Variants in SPRY3 observed in about 807,000 individuals in gnomAD.
The protein encoded by SPRY3 is sprouty RTK signaling antagonist 3.
SPRY3 carries 15 observed loss-of-function variants against 20.2 expected under a neutral mutation model. That is an observed-to-expected ratio of 0.74 (90% confidence interval 0.50 to 1.14). SPRY3 has a LOEUF of 1.14. Ranked by LOEUF, SPRY3 falls within the 50% of genes most tolerant of loss-of-function variation. The probability of loss-of-function intolerance (pLI) is 0.00; values close to 1 mark genes in which losing one functional copy is unlikely to be tolerated. For missense variants in SPRY3, 364 were observed against 363.9 expected (o/e 1.00, Z 0.00); for synonymous variants, 143 against 136.5 (o/e 1.05, Z -0.33).
intron 2 of SPRY3, among the ~76,000 whole-genome samples, chrX:155,726,631 A>G (rs2091099534): frequency 6.6e-6 from 1 of 152,154 alleles, no homozygotes; most frequent in South Asian, 2.1e-4. Context: ...ATGAGAGACT[A>G]GGATTGCAAC....
intron 1 of SPRY3, among the ~76,000 whole-genome samples, chrX:155,634,811 G>A (rs782019544): frequency 9.3e-6 from 1 of 107,904 alleles, no homozygotes; most frequent in Non-Finnish European, 1.9e-5. Flanking sequence ...TCTTGAGGTC[G>A]CAAGATAACT....
chrX:155,659,621 A>G (rs2068003974), intron 2 of SPRY3, among the ~76,000 whole-genome samples: 1 of 111,194 alleles, frequency 9.0e-6, no homozygotes, highest in African/African-American at 3.3e-5. Flanking sequence ...GATTGGTGCC[A>G]TTCCTTCTTT....
intron 2 of SPRY3, among the ~76,000 whole-genome samples, chrX:155,748,680 G>T (rs1264436135): frequency 6.6e-6 from 1 of 151,694 alleles, no homozygotes; most frequent in Non-Finnish European, 1.5e-5. Flanking sequence ...CAAAGAACAG[G>T]GCAATACCTC....
intron 2 of SPRY3, among the ~76,000 whole-genome samples, chrX:155,720,476 A>G (rs2091050061): frequency 6.6e-6 from 1 of 152,096 alleles, no homozygotes; most frequent in South Asian, 2.1e-4. Flanking sequence ...GGTAGTAGTT[A>G]TAGCAGGCCT....
chrX:155,641,693 G>A (rs2067941619), intron 1 of SPRY3, among the ~76,000 whole-genome samples: 1 of 115,098 alleles, frequency 8.7e-6, no homozygotes, highest in African/African-American at 3.1e-5. Context: ...TGTAACTTAA[G>A]GTTTATCTAC....
intron 2 of SPRY3, among the ~76,000 whole-genome samples, chrX:155,748,735 A>G (rs1177579573): frequency 2.0e-5 from 3 of 151,858 alleles, no homozygotes; most frequent in Admixed American, 6.6e-5. Context: ...CAAGCTAACC[A>G]TCCACCATGA....
chrX:155,731,590 G>A (rs1298936946), intron 2 of SPRY3, among the ~76,000 whole-genome samples: 3 of 152,004 alleles, frequency 2.0e-5, no homozygotes, highest in Non-Finnish European at 4.4e-5. Context: ...CTAGCAAATT[G>A]GACGGGGCAA....
intron 2 of SPRY3, among the ~76,000 whole-genome samples, chrX:155,754,174 C>T (rs1400375266): frequency 1.3e-5 from 2 of 151,962 alleles, no homozygotes; most frequent in Admixed American, 6.6e-5. Context: ...AATCCAAGGT[C>T]ACAAATATTT....
chrX:155,696,232 C>CATAT (rs201173655), intron 2 of SPRY3, among the ~76,000 whole-genome samples: 1 of 107,429 alleles, frequency 9.3e-6, no homozygotes, highest in African/African-American at 3.4e-5. Flanking sequence ...CACACACACA[C>CATAT]ACATATATAT....
intron 2 of SPRY3, among the ~76,000 whole-genome samples, chrX:155,759,735 GAAGT>G (rs1250947704): frequency 6.6e-6 from 1 of 152,072 alleles, no homozygotes; most frequent in African/African-American, 2.4e-5. Context: ...GGCAAAAATA[GAAGT>G]ATGTTTACCA....
At chrX:155,637,711 T>C (rs1161259384) in intron 1 of SPRY3, among the ~76,000 whole-genome samples, 1 of 111,876 alleles carries the variant, frequency 8.9e-6, no homozygotes, top group African/African-American at 3.3e-5. Context: ...CTCTTCCCTT[T>C]GTTCCCCCCT....
At chrX:155,761,289 C>T (rs1037795737) in intron 2 of SPRY3, among the ~76,000 whole-genome samples, 2 of 152,154 alleles carry the variant, frequency 1.3e-5, no homozygotes, top group Admixed American at 1.3e-4. Context: ...TATCCTGATT[C>T]CTTTCTAACA....
chrX:155,738,264 G>T (rs928993549), intron 2 of SPRY3, among the ~76,000 whole-genome samples: 1 of 151,476 alleles, frequency 6.6e-6, no homozygotes, highest in Non-Finnish European at 1.5e-5. Context: ...GTGCAGACTG[G>T]GAAAAAAAAA....
intron 2 of SPRY3, among the ~76,000 whole-genome samples, chrX:155,743,132 G>C (rs1332807564): frequency 6.6e-6 from 1 of 152,084 alleles, no homozygotes; most frequent in Non-Finnish European, 1.5e-5. Flanking sequence ...TGGTAAGGGG[G>C]ATATCACCAC....
Position 155,773,761 on chromosome X carries a change from C to T in SPRY3, c.-106-5C>T. On this transcript the variant is annotated splice_polypyrimidine_tract_variant and splice_region_variant and intron_variant, in intron 3 of 3. Coordinates refer to ENST00000675360, the Ensembl canonical transcript of SPRY3. ...CATTTACTGTTTTTATGCCTTCTCT[C>T]CTAGGATTTTCTCATGTGCCCTGAA... The T allele has an allele frequency of 7.7e-7, 1 of 1,298,982 alleles. No homozygotes were observed. The highest frequency in any genetic ancestry group is 1.1e-6 in the Non-Finnish European group (1 of 933,840). The allele number at this position is 1,298,982 out of a possible 1,614,324, so 80.5% of individuals were successfully genotyped here. A position where few individuals can be genotyped will look rare whatever the true frequency, so the allele number is the denominator to read the frequency against.
At chrX:155,745,587 G>T (rs2091221855) in intron 2 of SPRY3, among the ~76,000 whole-genome samples, 1 of 152,006 alleles carries the variant, frequency 6.6e-6, no homozygotes. Flanking sequence ...CATGCAGAAA[G>T]ACTACTGATT....
intron 2 of SPRY3, among the ~76,000 whole-genome samples, chrX:155,751,871 A>G (rs1029552847): frequency 2.6e-5 from 4 of 150,980 alleles, no homozygotes; most frequent in Non-Finnish European, 5.9e-5. Context: ...TATTTATGAG[A>G]ATCCCAATAT....
At chrX:155,713,266 C>T (rs1362393198) in intron 2 of SPRY3, among the ~76,000 whole-genome samples, 3 of 151,964 alleles carry the variant, frequency 2.0e-5, no homozygotes, top group Non-Finnish European at 4.4e-5. Context: ...TTGTACTATT[C>T]TGTATTTTTC....
At chrX:155,774,777 G>A in exon 4 of SPRY3, 1 of 1,571,144 alleles carries the variant, frequency 6.4e-7, no homozygotes. Flanking sequence ...TCTCCTTCGA[G>A]TCCCCAACAG....
Sources: gnomAD v4.1 joint callset for allele counts (sites outside exome capture counted in the v4.1 genomes callset) on GRCh38, gnomAD v4.1.1 for gene constraint, MANE v1.5 for transcripts, NCBI Gene and HGNC (gene_info 2026-07-23, HGNC 2026-07-21) for gene names.